The following CPVL variants were observed in gnomAD, a reference collection of about 807,000 sequenced individuals.
CPVL encodes probable serine carboxypeptidase CPVL.
CPVL carries 51 observed loss-of-function variants against 63.7 expected under a neutral mutation model. The ratio of observed to expected loss-of-function variants is 0.80; its 90% CI spans 0.64 to 1.01. CPVL has a LOEUF of 1.01. Ranked by LOEUF, CPVL falls within the 50% of genes least tolerant of loss-of-function variation. The pLI, the probability that CPVL is intolerant of heterozygous loss-of-function variation, is 0.00. For missense variants in CPVL, 530 were observed against 573.1 expected (o/e 0.92, Z 0.77); for synonymous variants, 195 against 206.0 (o/e 0.95, Z 0.46).
chr7:29,052,372 T>C (rs1281625058), intron 11 of CPVL, among the ~76,000 whole-genome samples: 1 of 143,016 alleles, frequency 7.0e-6, no homozygotes, highest in Non-Finnish European at 1.5e-5. Context: ...TGTTTTCCAA[T>C]AACCAACTCG....
At chr7:29,092,069 G>C (rs1785868792) in intron 6 of CPVL, among the ~76,000 whole-genome samples, 1 of 151,796 alleles carries the variant, frequency 6.6e-6, no homozygotes, top group Non-Finnish European at 1.5e-5. Flanking sequence ...AAATAAGAAA[G>C]GTCACTTGCT....
chr7:29,129,866 T>C (rs936573283), intron 1 of CPVL, among the ~76,000 whole-genome samples: 1 of 152,030 alleles, frequency 6.6e-6, no homozygotes, highest in African/African-American at 2.4e-5. Context: ...CGTGTCCTTA[T>C]AATAAGAGGA....
intron 9 of CPVL, 40 bp from the exon 10 acceptor site, chr7:29,066,161 A>C: frequency 1.0e-6 from 1 of 975,816 alleles, no homozygotes; most frequent in Non-Finnish European, 1.6e-6. Context: ...AAGAAAGAAA[A>C]CATCAGTGTG....
chr7:29,085,434 T>G (rs570647528), intron 7 of CPVL, among the ~76,000 whole-genome samples: 33 of 152,302 alleles, frequency 2.2e-4, no homozygotes, highest in Non-Finnish European at 4.7e-4. Flanking sequence ...CAGTACTATT[T>G]TTAAATGTAA....
At chr7:29,008,197 T>C (rs56220431) in intron 12 of CPVL, among the ~76,000 whole-genome samples, 30,573 of 152,138 alleles carry the variant, frequency 0.2, 3,328 homozygotes, top group East Asian at 0.28. Context: ...TATGGTATTT[T>C]GTTTTTCAAC....
chr7:29,005,961 G>A (rs1785154060), intron 12 of CPVL, among the ~76,000 whole-genome samples: 1 of 152,198 alleles, frequency 6.6e-6, no homozygotes, highest in South Asian at 2.1e-4. Context: ...AGAGGTTATA[G>A]CAGTAAATGC....
chr7:28,996,640 TC>T (rs1784103821), intron 12 of CPVL, among the ~76,000 whole-genome samples: 1 of 152,116 alleles, frequency 6.6e-6, no homozygotes, highest in Non-Finnish European at 1.5e-5. Context: ...TTCTTTTTTT[TC>T]CTAATATTGG....
chr7:29,056,808 C>A (rs1049634407), intron 11 of CPVL, among the ~76,000 whole-genome samples: 1 of 152,124 alleles, frequency 6.6e-6, no homozygotes, highest in African/African-American at 2.4e-5. Flanking sequence ...AATGAGAGTT[C>A]CTATTGCTCC....
intron 11 of CPVL, among the ~76,000 whole-genome samples, chr7:29,039,852 G>A (rs529417341): frequency 3.9e-5 from 6 of 152,248 alleles, no homozygotes; most frequent in Non-Finnish European, 7.4e-5. Context: ...ATTTTTAGAC[G>A]AAAGATTTAT....
At chr7:29,055,501 T>C (rs1477127367) in intron 11 of CPVL, among the ~76,000 whole-genome samples, 1 of 152,216 alleles carries the variant, frequency 6.6e-6, no homozygotes, top group Non-Finnish European at 1.5e-5. Flanking sequence ...TGTGCCCACC[T>C]CAGCCTCCCA....
intron 1 of CPVL, among the ~76,000 whole-genome samples, chr7:29,189,531 G>A (rs1188733795): frequency 1.3e-5 from 2 of 152,150 alleles, no homozygotes; most frequent in African/African-American, 4.8e-5. Context: ...ATTTCTCTTA[G>A]GACATTGAAG....
At chr7:29,056,638 T>C (rs1358913049) in intron 11 of CPVL, among the ~76,000 whole-genome samples, 2 of 152,220 alleles carry the variant, frequency 1.3e-5, no homozygotes, top group African/African-American at 4.8e-5. Context: ...CTGTTATAAA[T>C]AGCCCTGTAC....
intron 6 of CPVL, among the ~76,000 whole-genome samples, chr7:29,090,171 A>G (rs905925391): frequency 2.6e-5 from 4 of 152,092 alleles, no homozygotes; most frequent in African/African-American, 9.7e-5. Flanking sequence ...CCACCCTTGA[A>G]TTCTTTCCTG....
intron 3 of CPVL, among the ~76,000 whole-genome samples, chr7:29,107,980 T>C (rs1640788399): frequency 6.6e-6 from 1 of 152,208 alleles, no homozygotes; most frequent in African/African-American, 2.4e-5. Flanking sequence ...CCAGGAGCAT[T>C]AGAGCGGTTC....
At chr7:29,144,086 C>T (rs903570466) in intron 1 of CPVL, among the ~76,000 whole-genome samples, 1 of 152,234 alleles carries the variant, frequency 6.6e-6, no homozygotes, top group African/African-American at 2.4e-5. Context: ...ACCTCTCTCA[C>T]AAGTCAATAT....
At chr7:29,125,975 C>T (rs956054873) in intron 1 of CPVL, among the ~76,000 whole-genome samples, 2 of 152,156 alleles carry the variant, frequency 1.3e-5, no homozygotes, top group African/African-American at 2.4e-5. Context: ...CTCAAGCCAG[C>T]GCAAGAGAGC....
chr7:29,025,732 T>A (rs1390551785), intron 12 of CPVL, among the ~76,000 whole-genome samples: 1 of 151,960 alleles, frequency 6.6e-6, no homozygotes, highest in African/African-American at 2.4e-5. Context: ...ATAAAAATTG[T>A]AAAAAAAAGT....
chr7:29,114,857 G>A (rs1209996175), intron 2 of CPVL, among the ~76,000 whole-genome samples: 1 of 152,170 alleles, frequency 6.6e-6, no homozygotes, highest in African/African-American at 2.4e-5. Flanking sequence ...AAGCTGGCAG[G>A]TAGGGAGCAG....
intron 5 of CPVL, among the ~76,000 whole-genome samples, chr7:29,163,573 A>G (rs1795497937): frequency 6.6e-6 from 1 of 152,146 alleles, no homozygotes; most frequent in African/African-American, 2.4e-5. Context: ...ATTAAGGTAT[A>G]ACTGGCATAC....
Sources: gnomAD v4.1 joint callset for allele counts (sites outside exome capture counted in the v4.1 genomes callset) on GRCh38, gnomAD v4.1.1 for gene constraint, MANE v1.5 for transcripts, NCBI Gene and HGNC (gene_info 2026-07-23, HGNC 2026-07-21) for gene names.